Variants in PRPF3 observed in about 807,000 individuals in gnomAD.
The protein encoded by PRPF3 is pre-mRNA processing factor 3.
In PRPF3, 3 loss-of-function variants were observed where a neutral mutation model predicts 89.2. The ratio of observed to expected loss-of-function variants is 0.03; its 90% CI spans 0.02 to 0.09. The LOEUF is 0.09. PRPF3 is among the 10% of genes least tolerant of loss of function. PRPF3 has a pLI of 1.00. For missense variants in PRPF3, 463 were observed against 828.8 expected, an observed-to-expected ratio of 0.56 and a Z score of 5.42; for synonymous variants, 270 against 289.1, an observed-to-expected ratio of 0.93 and a Z score of 0.67.
chr1:150,352,158 C>A (rs1169424052), intron 15 of PRPF3, among the ~76,000 whole-genome samples: 2 of 152,120 alleles, frequency 1.3e-5, no homozygotes, highest in Admixed American at 1.3e-4. Flanking sequence ...TGTTGCTGGG[C>A]CCCAAAGCCT....
At chr1:150,324,465 A>G (rs139591009) in intron 1 of PRPF3, among the ~76,000 whole-genome samples, 225 of 152,302 alleles carry the variant, frequency 1.5e-3, no homozygotes, top group African/African-American at 5.3e-3. Context: ...ATTTGCCTTC[A>G]AATGAGTTGG....
chr1:150,327,312 C>T (rs1380562332), intron 3 of PRPF3, among the ~76,000 whole-genome samples: 1 of 152,068 alleles, frequency 6.6e-6, no homozygotes, highest in African/African-American at 2.4e-5. Flanking sequence ...AAGATCTGCT[C>T]GCCTCGGCCT....
Position 150,338,151 on chromosome 1 carries a change from T to C in PRPF3, c.1036-9T>C. ...TTTATCTTTCTGTCTTGGATTATCT[T>C]GTTTTTAGGCTCAACTGGAGAAGCT... On this transcript the variant is annotated splice_polypyrimidine_tract_variant and intron_variant, in intron 7 of 15. Coordinates refer to ENST00000324862, the MANE Select transcript of PRPF3 (RefSeq NM_004698.4). 3.1e-6 allele frequency: 5 copies of C among 1,613,970 alleles called. No homozygotes were observed. Among genetic ancestry groups the C allele is most frequent in the Non-Finnish European group, 4.2e-6 (5 of 1,179,892 alleles).
At chr1:150,339,186 G>A (rs67733549) in intron 8 of PRPF3, among the ~76,000 whole-genome samples, 31,824 of 149,908 alleles carry the variant, frequency 0.21, 3,836 homozygotes, top group African/African-American at 0.29. Context: ...GGGCAATATG[G>A]TGAGACCTCG....
At chr1:150,330,225 T>A (rs1418020355) in intron 4 of PRPF3, 2 of 151,844 alleles carry the variant, frequency 1.3e-5, no homozygotes, top group Non-Finnish European at 2.9e-5. Context: ...ATTTTTGTAT[T>A]TTTTTTAAAG....
intron 15 of PRPF3, among the ~76,000 whole-genome samples, chr1:150,350,001 T>G (rs1553873977): frequency 6.6e-6 from 1 of 151,898 alleles, no homozygotes; most frequent in Non-Finnish European, 1.5e-5. Flanking sequence ...GTTCAAACGA[T>G]TCTCCTGCCT....
At position 150,353,056 on chromosome 1, in the gene PRPF3, C is replaced by G; in HGVS notation, c.*77C>G. The G allele has an allele frequency of 3.2e-6, 5 of 1,581,204 alleles. No individual in the cohort carries two copies. The highest frequency in any genetic ancestry group is 4.3e-6 in the Non-Finnish European group (5 of 1,151,660). On this transcript the variant is annotated 3_prime_UTR_variant, in exon 16 of 16. Coordinates refer to ENST00000324862, the MANE Select transcript of PRPF3 (RefSeq NM_004698.4). ...CTCACTTATTCTATTTCCCAACCCC[C>G]TCCCACTTGTTTGTGTGATCTCAGA...
At chr1:150,325,680 C>T (rs1471215083) in intron 2 of PRPF3, 71 bp from the exon 3 acceptor site, 3 of 1,567,366 alleles carry the variant, frequency 1.9e-6, no homozygotes, top group African/African-American at 1.4e-5. Flanking sequence ...GTGTTGGTAC[C>T]TGTTATAGGC....
At chr1:150,329,367 G>C (rs1656073432) in intron 4 of PRPF3, among the ~76,000 whole-genome samples, 1 of 152,060 alleles carries the variant, frequency 6.6e-6, no homozygotes. Context: ...TTATGTTTTA[G>C]CGTTCTTTGA....
chr1:150,321,911 G>A (rs1655086086), intron 1 of PRPF3, among the ~76,000 whole-genome samples: 1 of 152,004 alleles, frequency 6.6e-6, no homozygotes. Context: ...GGGAAACTCA[G>A]GTTGTAGCAA....
intron 15 of PRPF3, among the ~76,000 whole-genome samples, chr1:150,350,703 A>G (rs1035742505): frequency 1.3e-5 from 2 of 152,148 alleles, no homozygotes; most frequent in Admixed American, 1.3e-4. Context: ...GCTCACGCCT[A>G]TAATCCCAGC....
chr1:150,338,112 T>A, intron 7 of PRPF3, 48 bp from the exon 8 acceptor site: 1 of 1,604,150 alleles, frequency 6.2e-7, no homozygotes, highest in Non-Finnish European at 8.5e-7. Flanking sequence ...ACATTCTGTT[T>A]TCTATGACTC....
At chr1:150,342,071 A>G (rs1367849049) in intron 9 of PRPF3, among the ~76,000 whole-genome samples, 2 of 152,012 alleles carry the variant, frequency 1.3e-5, no homozygotes, top group African/African-American at 4.8e-5. Context: ...AAGGAAAACA[A>G]CTAAGAACAC....
chr1:150,342,243 G>C (rs1657825649), intron 9 of PRPF3, among the ~76,000 whole-genome samples: 1 of 151,618 alleles, frequency 6.6e-6, no homozygotes. Context: ...AGCCAGACGT[G>C]GTGGCGGGTG....
At chr1:150,332,832 A>G (rs1656563304) in intron 5 of PRPF3, 65 bp downstream of exon 5, 1 of 1,565,984 alleles carries the variant, frequency 6.4e-7, no homozygotes, top group African/African-American at 1.4e-5. Flanking sequence ...CATCCACTCA[A>G]AATGAGAGAC....
At chr1:150,347,304 GTACACACACATACACA>G (rs1658381432) in intron 14 of PRPF3, among the ~76,000 whole-genome samples, 1 of 150,618 alleles carries the variant, frequency 6.6e-6, no homozygotes, top group Admixed American at 6.6e-5. Context: ...ATACACACAT[GTACACACACATACACA>G]TACACACAAT....
chr1:150,325,992 C>G, intron 3 of PRPF3, 111 bp downstream of exon 3: 1 of 1,356,206 alleles, frequency 7.4e-7, no homozygotes, highest in Non-Finnish European at 1.0e-6. Flanking sequence ...AGCAAATGTT[C>G]AAGAGAGGTA....
intron 10 of PRPF3, 138 bp from the exon 11 acceptor site, chr1:150,344,024 A>G: frequency 1.3e-6 from 1 of 753,716 alleles, no homozygotes; most frequent in Non-Finnish European, 2.3e-6. Flanking sequence ...TTTTCAAGAT[A>G]GGAGTTATTG....
chr1:150,348,459 CA>C (rs1658528827), intron 14 of PRPF3, among the ~76,000 whole-genome samples: 1 of 34,824 alleles, frequency 2.9e-5, no homozygotes, highest in African/African-American at 9.4e-5. Context: ...TCTACACGTG[CA>C]TTTTTTTTTT....
Sources: gnomAD v4.1 joint callset for allele counts (sites outside exome capture counted in the v4.1 genomes callset) on GRCh38, gnomAD v4.1.1 for gene constraint, MANE v1.5 for transcripts, NCBI Gene and HGNC (gene_info 2026-07-23, HGNC 2026-07-21) for gene names.